Variants in CNOT2 observed in about 807,000 individuals in gnomAD.
CNOT2 encodes CCR4-NOT transcription complex subunit 2.
CNOT2 carries 7 observed loss-of-function variants against 72.1 expected under a neutral mutation model. The ratio of observed to expected loss-of-function variants is 0.10; its 90% CI spans 0.06 to 0.18. CNOT2 has a LOEUF of 0.18. Among genes scored for constraint, CNOT2 ranks in the 10% least tolerant of loss-of-function variants. CNOT2 has a pLI of 1.00. For missense variants in CNOT2, 345 were observed against 660.3 expected (o/e 0.52, Z 5.23); for synonymous variants, 196 against 225.6 (o/e 0.87, Z 1.17).
intron 1 of CNOT2, among the ~76,000 whole-genome samples, chr12:70,254,482 A>G (rs1051554158): frequency 3.3e-5 from 5 of 152,100 alleles, no homozygotes; most frequent in Non-Finnish European, 7.4e-5. Context: ...AAACGTATGA[A>G]TTATTTATTT....
chr12:70,349,572 T>G (rs540545526), intron 15 of CNOT2, among the ~76,000 whole-genome samples: 1 of 152,342 alleles, frequency 6.6e-6, no homozygotes, highest in East Asian at 1.9e-4. Flanking sequence ...TTCAGATAAT[T>G]GTAATATTAA....
rs536145555 is a variant in CNOT2, at chr12:70,347,208, TTTTG to T, written c.1536+894_1536+897del. Among the ~76,000 whole-genome samples, 673 of 152,332 alleles carry T rather than the reference TTTTG, an allele frequency of 4.4e-3. 4 individuals carry two copies. The highest frequency in any genetic ancestry group is 4.6e-3 in the Non-Finnish European group (316 of 68,030). On this transcript the variant is annotated intron_variant, in intron 15 of 15. Transcript: ENST00000229195. ...CAATTTTTTAGTTGTCAATTTGTTT[TTTTG>T]TTTGTTTGTAGTTTTGAATCTGCTT... is the stretch of plus-strand genomic sequence containing the variant.
In CNOT2 at chr12:70,330,349, G is replaced by A. The variant is rs1187460215; in HGVS notation, c.449G>A (p.Gly150Glu). 1 of 1,611,266 alleles carries A rather than the reference G, an allele frequency of 6.2e-7. No individual in the cohort carries two copies. The highest frequency in any genetic ancestry group is 1.7e-5 in the Admixed American group (1 of 59,862). ...MNHSQVGQGIGIPSRTNSMSS... is the reference protein window; with the variant it reads ...MNHSQVGQGIEIPSRTNSMSS... ...CACTCCCAGGTTGGTCAGGGCATTG[G>A]AATTCCTAGCAGGACAAATAGCATG... Residue 150 changes from glycine to glutamate, a missense_variant, in exon 6 of 16, where the codon GGA becomes GAA. This residue lies in a region of CNOT2 where 157 missense variants were observed against 235.3 expected (regional missense o/e 0.67). Transcript: ENST00000229195.
At chr12:70,319,891 C>T (rs906292290) in intron 4 of CNOT2, among the ~76,000 whole-genome samples, 1 of 151,552 alleles carries the variant, frequency 6.6e-6, no homozygotes, top group East Asian at 1.9e-4. Flanking sequence ...ATGCTTGTTC[C>T]GTTTTGCAGG....
intron 11 of CNOT2, among the ~76,000 whole-genome samples, chr12:70,339,082 A>G (rs375902137): frequency 4.5e-4 from 56 of 125,362 alleles, no homozygotes; most frequent in African/African-American, 1.9e-3. Context: ...GTGTGTATAT[A>G]TATATATATA....
intron 7 of CNOT2, among the ~76,000 whole-genome samples, chr12:70,333,915 G>T (rs1276296894): frequency 6.6e-6 from 1 of 151,820 alleles, no homozygotes; most frequent in Non-Finnish European, 1.5e-5. Flanking sequence ...TTCTAAATGT[G>T]ATGTAAATTA....
chr12:70,341,276 T>A (rs1881474319), intron 11 of CNOT2, among the ~76,000 whole-genome samples: 1 of 152,210 alleles, frequency 6.6e-6, no homozygotes, highest in Non-Finnish European at 1.5e-5. Context: ...CTTTGTTCAC[T>A]GTATTCCAGC....
intron 1 of CNOT2, among the ~76,000 whole-genome samples, chr12:70,254,610 A>G (rs1377052816): frequency 6.6e-6 from 1 of 152,228 alleles, no homozygotes; most frequent in Non-Finnish European, 1.5e-5. Context: ...GTATGATTGA[A>G]TGATTCATTC....
At chr12:70,331,974 T>G (rs558065216) in intron 6 of CNOT2, among the ~76,000 whole-genome samples, 1 of 151,802 alleles carries the variant, frequency 6.6e-6, no homozygotes, top group African/African-American at 2.4e-5. Context: ...GCCTTATTTT[T>G]TTTTTTTTCT....
intron 1 of CNOT2, among the ~76,000 whole-genome samples, chr12:70,256,679 C>A (rs1022891651): frequency 6.6e-6 from 1 of 151,542 alleles, no homozygotes; most frequent in African/African-American, 2.4e-5. Context: ...ACTTCCAAGC[C>A]TATAACCTAG....
At chr12:70,301,797 A>G (rs186727667) in intron 2 of CNOT2, 39,759 of 152,112 alleles carry the variant, frequency 0.26, 6,272 homozygotes, top group East Asian at 0.68. Context: ...AAGGAATGGT[A>G]CCAGCTCCTC....
At chr12:70,285,210 G>T (rs1026275428) in intron 2 of CNOT2, among the ~76,000 whole-genome samples, 5 of 150,214 alleles carry the variant, frequency 3.3e-5, no homozygotes, top group South Asian at 4.2e-4. Context: ...TTTTGTTTTT[G>T]TTTTTGTTTT....
intron 11 of CNOT2, among the ~76,000 whole-genome samples, chr12:70,339,089 T>TACACACAC (rs539162323): frequency 2.8e-4 from 37 of 132,638 alleles, no homozygotes; most frequent in African/African-American, 1.1e-3. Context: ...TATATATATA[T>TACACACAC]ATACACACAC....
intron 9 of CNOT2, 137 bp from the exon 10 acceptor site, chr12:70,338,306 A>G (rs1880976856): frequency 7.2e-6 from 5 of 692,652 alleles, no homozygotes; most frequent in Non-Finnish European, 1.2e-5. Flanking sequence ...ACAATTTTCT[A>G]TAGAACTTGA....
chr12:70,317,726 A>G (rs771046020), intron 3 of CNOT2, among the ~76,000 whole-genome samples: 4 of 147,612 alleles, frequency 2.7e-5, no homozygotes, highest in African/African-American at 7.5e-5. Flanking sequence ...GATGTGTACC[A>G]TTGGTCTAAA....
intron 2 of CNOT2, among the ~76,000 whole-genome samples, chr12:70,303,826 C>T (rs1466618643): frequency 6.6e-6 from 1 of 152,220 alleles, no homozygotes; most frequent in Non-Finnish European, 1.5e-5. Context: ...CAACTTGGTT[C>T]CATTCTCCCC....
intron 2 of CNOT2, among the ~76,000 whole-genome samples, chr12:70,302,801 A>G (rs1199017016): frequency 1.3e-5 from 2 of 152,170 alleles, no homozygotes; most frequent in African/African-American, 4.8e-5. Flanking sequence ...GATCTGTCTA[A>G]TGTTGACAGT....
At chr12:70,319,207 C>T (rs1287108753) in intron 3 of CNOT2, 91 bp from the exon 4 acceptor site, 1 of 1,010,850 alleles carries the variant, frequency 9.9e-7, no homozygotes, top group South Asian at 1.9e-5. Flanking sequence ...TAGATTTTCA[C>T]ATTTATGGTA....
rs180672438 is a variant in CNOT2 at position 70,279,136 on chromosome 12, T to C, written c.48+862T>C. On this transcript the variant is annotated intron_variant, in intron 2 of 15. Transcript: ENST00000229195. ...CACTTCCTTTCACTCATCAGTTCAT[T>C]CCCTCTAGGTTGTGAAGGCAGCTAG... Among the ~76,000 whole-genome samples the C allele has an allele frequency of 1.8e-3, 278 of 152,278 alleles. 1 individual carries two copies. Among genetic ancestry groups the C allele is most frequent in the African/African-American group, 6.6e-3 (273 of 41,568 alleles).
Sources: allele counts gnomAD v4.1 joint callset (sites outside exome capture counted in the v4.1 genomes callset), GRCh38; gene constraint gnomAD v4.1.1; regional missense constraint gnomAD v4.1.1; transcripts MANE v1.5; gene names NCBI Gene and HGNC (gene_info 2026-07-23, HGNC 2026-07-21).